Variants in PAX8 observed in about 807,000 individuals in gnomAD.
PAX8 encodes paired box protein Pax-8.
A neutral mutation model predicts 52.4 loss-of-function variants in PAX8; 15 were observed. The observed-to-expected ratio is 0.29, with a 90% CI of 0.19 to 0.44. The LOEUF (loss-of-function observed/expected upper bound fraction) is 0.44, where lower values mean the gene tolerates loss of function less well. PAX8 is among the 20% of genes least tolerant of loss of function. The pLI, the probability that PAX8 is intolerant of heterozygous loss-of-function variation, is 1.00. For missense variants in PAX8, 554 were observed against 602.5 expected, an observed-to-expected ratio of 0.92 and a Z score of 0.84; for synonymous variants, 284 against 249.7, an observed-to-expected ratio of 1.14 and a Z score of -1.29.
intron 9 of PAX8, among the ~76,000 whole-genome samples, chr2:113,227,865 G>A (rs1689678985): frequency 6.6e-6 from 1 of 152,190 alleles, no homozygotes; most frequent in Admixed American, 6.5e-5. Flanking sequence ...GAGTTGCCAG[G>A]TACAGGAAAC....
At chr2:113,228,083 T>C (rs1221601808) in intron 9 of PAX8, among the ~76,000 whole-genome samples, 1 of 152,246 alleles carries the variant, frequency 6.6e-6, no homozygotes, top group African/African-American at 2.4e-5. Context: ...TTCCCGGCTC[T>C]GCTTCTCCTC....
At chr2:113,255,146 AAAG>A (rs201663717) in intron 2 of PAX8, among the ~76,000 whole-genome samples, 3,905 of 144,504 alleles carry the variant, frequency 0.027, 103 homozygotes, top group African/African-American at 0.046. Flanking sequence ...GGAAGGAAGG[AAAG>A]AAGGAAGGAA....
At chr2:113,226,746 T>G in intron 10 of PAX8, 1 of 1,147,402 alleles carries the variant, frequency 8.7e-7, no homozygotes, top group South Asian at 2.4e-5. Context: ...TTCATCAGAG[T>G]TAAATCACTG....
chr2:113,242,207 C>A (rs1436854252), intron 5 of PAX8, 77 bp from the exon 6 acceptor site: 4 of 1,349,366 alleles, frequency 3.0e-6, no homozygotes, highest in Admixed American at 3.5e-5. Flanking sequence ...GGGGTAGTTA[C>A]AGTTGAGCTG....
At chr2:113,231,306 G>A (rs963084431) in intron 9 of PAX8, among the ~76,000 whole-genome samples, 1 of 152,240 alleles carries the variant, frequency 6.6e-6, no homozygotes, top group Non-Finnish European at 1.5e-5. Flanking sequence ...CAGAGCAGCT[G>A]GGACCAGGAC....
chr2:113,239,729 G>A (rs1487913333), intron 7 of PAX8: 1 of 152,184 alleles, frequency 6.6e-6, no homozygotes, highest in Admixed American at 6.5e-5. Flanking sequence ...GTTTTCAAAT[G>A]CTTTTTTTTT....
chr2:113,275,939 GGCGGAGGCCGC>G, intron 2 of PAX8: 1 of 152,240 alleles, frequency 6.6e-6, no homozygotes. Flanking sequence ...CAGGCTGGGC[GGCGGAGGCCGC>G]GCGGGGAGGT....
Position 113,277,087 on chromosome 2 carries a change from A to T in PAX8, c.25+1283T>A, listed in dbSNP as rs915038603. On this transcript the variant is annotated intron_variant, in intron 2 of 11. Coordinates refer to ENST00000429538, the MANE Select transcript of PAX8 (RefSeq NM_003466.4). Reference sequence around the variant, plus strand: ...CTCTGCTCGGTCCCAGGGCTCCCCAACCCCGCCGCGCCGGGGAATGGCTGC... The same window carrying T: ...CTCTGCTCGGTCCCAGGGCTCCCCATCCCCGCCGCGCCGGGGAATGGCTGC... Among the ~76,000 whole-genome samples, 12 of 152,202 alleles carry T rather than the reference A, an allele frequency of 7.9e-5. No homozygotes were observed. In the East Asian group the frequency reaches 2.1e-3, roughly 27 times the overall value.
chr2:113,277,360 G>A (rs1364848868), intron 2 of PAX8, among the ~76,000 whole-genome samples: 1 of 152,248 alleles, frequency 6.6e-6, no homozygotes, highest in East Asian at 1.9e-4. Flanking sequence ...TGGCTAAATA[G>A]AGATCTCAGC....
At chr2:113,239,415 C>T (rs1690634840) in intron 7 of PAX8, 1 of 152,304 alleles carries the variant, frequency 6.6e-6, no homozygotes, top group Non-Finnish European at 1.5e-5. Context: ...ACAACCTGTC[C>T]TAAGGTCAGG....
intron 2 of PAX8, among the ~76,000 whole-genome samples, chr2:113,260,914 G>A (rs1429711690): frequency 6.6e-6 from 1 of 151,928 alleles, no homozygotes; most frequent in African/African-American, 2.4e-5. Flanking sequence ...GTGTGACTGT[G>A]TGTGTGAGTT....
intron 2 of PAX8, chr2:113,255,473 C>T (rs1034388886): frequency 2.0e-5 from 3 of 152,434 alleles, no homozygotes; most frequent in African/African-American, 7.2e-5. Flanking sequence ...TGCCCTGCTT[C>T]TGAAGGAGTC....
At chr2:113,251,663 A>G (rs1435740107) in intron 2 of PAX8, among the ~76,000 whole-genome samples, 1 of 152,214 alleles carries the variant, frequency 6.6e-6, no homozygotes, top group Non-Finnish European at 1.5e-5. Flanking sequence ...GTGACCATTC[A>G]GGGAGGTCTT....
chr2:113,225,969 G>A (rs571378366), intron 10 of PAX8: 1 of 984,836 alleles, frequency 1.0e-6, no homozygotes, highest in East Asian at 1.1e-4. Flanking sequence ...GGGAGTCCGG[G>A]GCCAGGAGGG....
intron 9 of PAX8, chr2:113,230,717 T>C (rs1451951826): frequency 6.6e-6 from 1 of 152,230 alleles, no homozygotes; most frequent in African/African-American, 2.4e-5. Context: ...AATGCATAGT[T>C]TCTTCCAAAA....
chr2:113,256,485 C>T (rs544464573), intron 2 of PAX8, among the ~76,000 whole-genome samples: 1 of 152,280 alleles, frequency 6.6e-6, no homozygotes, highest in East Asian at 1.9e-4. Flanking sequence ...CATACAACAA[C>T]AAGAAGAAAG....
chr2:113,244,757 G>A (rs1691167071), intron 3 of PAX8, 133 bp from the exon 4 acceptor site: 1 of 816,978 alleles, frequency 1.2e-6, no homozygotes, highest in Non-Finnish European at 2.1e-6. Context: ...CTCCAAGGCT[G>A]GTCTCAAACG....
At chr2:113,225,039 A>G (rs551561051) in intron 10 of PAX8, among the ~76,000 whole-genome samples, 1 of 152,254 alleles carries the variant, frequency 6.6e-6, no homozygotes, top group African/African-American at 2.4e-5. Flanking sequence ...CCGTGTTTGC[A>G]TAACTCAGCC....
chr2:113,272,968 C>T lies in PAX8; in HGVS notation c.25+5402G>A, dbSNP rs1372699332. The T allele has an allele frequency of 2.6e-5, 4 of 152,224 alleles. No individual in the cohort carries two copies. In the East Asian group the frequency reaches 7.7e-4, roughly 29 times the overall value. The allele number at this position is 152,224 out of a possible 1,614,324, so 9.4% of individuals were successfully genotyped here. On this transcript the variant is annotated intron_variant, in intron 2 of 11. Coordinates refer to ENST00000429538, the MANE Select transcript of PAX8 (RefSeq NM_003466.4). ...ACTAATCTGCAGTCTTGAAGGTGGG[C>T]TCATTCATTCCCCTGCCCCCACTTT...
Sources: allele counts gnomAD v4.1 joint callset (sites outside exome capture counted in the v4.1 genomes callset), GRCh38; gene constraint gnomAD v4.1.1; transcripts MANE v1.5; gene names NCBI Gene and HGNC (gene_info 2026-07-23, HGNC 2026-07-21).